Variants in ASCC3 observed in about 807,000 individuals in gnomAD.
The protein encoded by ASCC3 is ASC-1 complex subunit P200.
A neutral mutation model predicts 256.3 loss-of-function variants in ASCC3; 158 were observed. That is an observed-to-expected ratio of 0.62 (90% confidence interval 0.54 to 0.70). The LOEUF (loss-of-function observed/expected upper bound fraction) is 0.70, where lower values mean the gene tolerates loss of function less well. ASCC3 is among the 30% of genes least tolerant of loss of function. The pLI is 0.00. For synonymous variants in ASCC3, 948 were observed against 883.4 expected, an observed-to-expected ratio of 1.07 and a Z score of -1.30; for missense variants, 2,259 against 2,626.0, an observed-to-expected ratio of 0.86 and a Z score of 3.05.
At chr6:100,597,145 T>C (rs182764148) in intron 34 of ASCC3, among the ~76,000 whole-genome samples, 5 of 152,294 alleles carry the variant, frequency 3.3e-5, no homozygotes, top group African/African-American at 1.2e-4. Flanking sequence ...TACAGTATTG[T>C]AATCTCCCAT....
chr6:100,732,086 G>A (rs201288757), intron 10 of ASCC3, among the ~76,000 whole-genome samples: 2 of 151,614 alleles, frequency 1.3e-5, no homozygotes, highest in African/African-American at 2.4e-5. Flanking sequence ...ACTTGAACCC[G>A]GGAGGCGGGG....
Position 100,540,151 on chromosome 6 carries a change from T to C in ASCC3, c.5775+12A>G, listed in dbSNP as rs766458126. 1.2e-5 allele frequency: 19 copies of C among 1,598,282 alleles called. No homozygotes were observed. Among genetic ancestry groups the C allele is most frequent in the East Asian group, 4.5e-5 (2 of 44,810 alleles). ...AGAAAACACACATAGGTATTAGAAATGACTTTCATACCTGACATACTCTGA... is the reference window on the plus strand; with the variant it reads ...AGAAAACACACATAGGTATTAGAAACGACTTTCATACCTGACATACTCTGA... On this transcript the variant is annotated intron_variant, in intron 37 of 41. Coordinates refer to ENST00000369162, the MANE Select transcript of ASCC3 (RefSeq NM_006828.4).
rs1775431527 is a variant in ASCC3, at chr6:100,647,348, C to T, written c.3356G>A (p.Arg1119Lys). The T allele has an allele frequency of 1.2e-6, 2 of 1,613,962 alleles. No individual in the cohort carries two copies. The highest frequency in any genetic ancestry group is 1.7e-6 in the Non-Finnish European group (2 of 1,179,940). The change falls in exon 21 of 42, where the codon AGG becomes AAG. Residue 1119 changes from arginine (R) to lysine (K), a missense_variant. By Grantham distance (26) the Arg-to-Lys change is conservative. This residue lies in a region of ASCC3 where 1,839 missense variants were observed against 2,206.7 expected (regional missense o/e 0.83). Transcript: ENST00000369162. ...LLNLSKVIDK[R>K]LWGWASPLRQ... ...CAAAGGGCTAGCCCAACCCCAAAGC[C>T]TCTTGTCAATGACTTTACTAAGATT...
chr6:100,876,897 C>T (rs1431222137), intron 1 of ASCC3, among the ~76,000 whole-genome samples: 2 of 152,112 alleles, frequency 1.3e-5, no homozygotes, highest in Admixed American at 1.3e-4. Context: ...AAAAATGTAA[C>T]TGTCCTTTTT....
At chr6:100,846,052 G>C (rs1164218717) in intron 4 of ASCC3, among the ~76,000 whole-genome samples, 1 of 152,098 alleles carries the variant, frequency 6.6e-6, no homozygotes, top group African/African-American at 2.4e-5. Flanking sequence ...AAAAGAAATA[G>C]AAATTAACTG....
At chr6:100,515,910 T>A (rs1456750687) in intron 39 of ASCC3, among the ~76,000 whole-genome samples, 1 of 152,188 alleles carries the variant, frequency 6.6e-6, no homozygotes, top group African/African-American at 2.4e-5. Context: ...TTAATTACTA[T>A]TACTGTCATT....
chr6:100,535,405 A>T (rs1306096012), intron 37 of ASCC3, among the ~76,000 whole-genome samples: 1 of 150,794 alleles, frequency 6.6e-6, no homozygotes, highest in Non-Finnish European at 1.5e-5. Context: ...GTTTACTTTC[A>T]CACAATTTTG....
At chr6:100,834,655 A>G (rs138131952) in intron 4 of ASCC3, among the ~76,000 whole-genome samples, 1 of 152,344 alleles carries the variant, frequency 6.6e-6, no homozygotes, top group East Asian at 1.9e-4. Context: ...ACTAAAAGCT[A>G]GCATAATTTT....
At chr6:100,698,571 T>A (rs1778196474) in intron 13 of ASCC3, among the ~76,000 whole-genome samples, 1 of 151,920 alleles carries the variant, frequency 6.6e-6, no homozygotes, top group Admixed American at 6.6e-5. Flanking sequence ...CATGAAAAAA[T>A]AGTGAAGTTG....
chr6:100,546,394 T>C (rs1041631553), intron 36 of ASCC3, among the ~76,000 whole-genome samples: 8 of 152,158 alleles, frequency 5.3e-5, no homozygotes, highest in Non-Finnish European at 8.8e-5. Context: ...CATGGAAATG[T>C]AAAGGACCTA....
chr6:100,554,535 G>A (rs1769472246), intron 36 of ASCC3, among the ~76,000 whole-genome samples: 1 of 152,124 alleles, frequency 6.6e-6, no homozygotes, highest in African/African-American at 2.4e-5. Flanking sequence ...TCTCTGTCAT[G>A]GGAAAAGTAA....
chr6:100,766,851 CT>C, intron 9 of ASCC3, 146 bp from the exon 10 acceptor site: 1 of 1,022,892 alleles, frequency 9.8e-7, no homozygotes, highest in Non-Finnish European at 1.4e-6. Context: ...TATTAAAAGT[CT>C]TATCTTTGTG....
At position 100,661,899 on chromosome 6, in the gene ASCC3, A is replaced by G. The variant is rs1368079504; in HGVS notation, c.2610T>C (p.His870=). The G allele has an allele frequency of 1.2e-6, 2 of 1,613,314 alleles. No homozygotes were observed. The highest frequency in any genetic ancestry group is 1.7e-6 in the Non-Finnish European group (2 of 1,179,540). Reference sequence around the variant, plus strand: ...AAGTGAGGTAATGGCTGAGTTTATCATGCGTTGTTATAATTATTCCTTCCC... The same window carrying G: ...AAGTGAGGTAATGGCTGAGTTTATCGTGCGTTGTTATAATTATTCCTTCCC... ...KFGEGIIITT[H]DKLSHYLTLL... Residue 870 remains histidine (H), a synonymous_variant, in exon 16 of 42, where the codon CAT becomes CAC. Transcript: ENST00000369162.
chr6:100,688,873 A>G (rs997512651), intron 13 of ASCC3, among the ~76,000 whole-genome samples: 1 of 152,166 alleles, frequency 6.6e-6, no homozygotes, highest in Non-Finnish European at 1.5e-5. Context: ...AAGTAACCAA[A>G]AATCAATAAA....
At chr6:100,811,433 T>A (rs531206270) in intron 4 of ASCC3, among the ~76,000 whole-genome samples, 1 of 152,300 alleles carries the variant, frequency 6.6e-6, no homozygotes, top group African/African-American at 2.4e-5. Context: ...GAATTTATTC[T>A]TTATTCTAGT....
At chr6:100,857,582 G>A (rs955280423) in intron 3 of ASCC3, 3 of 151,656 alleles carry the variant, frequency 2.0e-5, no homozygotes, top group East Asian at 1.9e-4. Flanking sequence ...ATATGCAGTT[G>A]ACCCAGCACC....
At chr6:100,687,028 TCTCTCTCACACACA>T (rs1777602522) in intron 13 of ASCC3, among the ~76,000 whole-genome samples, 3 of 89,178 alleles carry the variant, frequency 3.4e-5, no homozygotes, top group Admixed American at 3.3e-4. Flanking sequence ...TCTCTCTCTC[TCTCTCTCACACACA>T]CACACACACA....
At chr6:100,783,856 CAT>C (rs1184070916) in intron 8 of ASCC3, among the ~76,000 whole-genome samples, 1 of 151,612 alleles carries the variant, frequency 6.6e-6, no homozygotes, top group East Asian at 1.9e-4. Flanking sequence ...GCACGTACTA[CAT>C]ATGAGGTTTT....
At chr6:100,758,045 T>C (rs187031241) in intron 10 of ASCC3, among the ~76,000 whole-genome samples, 15 of 152,170 alleles carry the variant, frequency 9.9e-5, no homozygotes, top group African/African-American at 3.6e-4. Context: ...AAAAAGAGTA[T>C]CGGCTACCAT....
Sources: gnomAD v4.1 joint callset for allele counts (sites outside exome capture counted in the v4.1 genomes callset) on GRCh38, gnomAD v4.1.1 for gene constraint, gnomAD v4.1.1 regional missense constraint, MANE v1.5 for transcripts, NCBI Gene and HGNC (gene_info 2026-07-23, HGNC 2026-07-21) for gene names.